Variants in COL14A1 observed in about 807,000 individuals in gnomAD.
COL14A1 encodes the protein collagen type XIV alpha 1 chain.
COL14A1 carries 136 observed loss-of-function variants against 230.3 expected under a neutral mutation model. That is an observed-to-expected ratio of 0.59 (90% CI 0.51 to 0.68). The LOEUF (loss-of-function observed/expected upper bound fraction) is 0.68. Among genes scored for constraint, COL14A1 ranks in the 30% least tolerant of loss-of-function variants. COL14A1 has a pLI of 0.00. For missense variants in COL14A1, 1,976 were observed against 2,215.8 expected, an observed-to-expected ratio of 0.89 and a Z score of 2.17; for synonymous variants, 792 against 784.1, an observed-to-expected ratio of 1.01 and a Z score of -0.17.
intron 39 of COL14A1, 59 bp downstream of exon 39, chr8:120,315,645 A>G (rs1821198962): frequency 7.2e-7 from 1 of 1,390,262 alleles, no homozygotes; most frequent in Non-Finnish European, 1.0e-6. Flanking sequence ...CAAGGGGGAA[A>G]AAAAAGCTGT....
In COL14A1 at chr8:120,266,554, G is replaced by A. The variant is rs556087519; in HGVS notation, c.3017-273G>A. On this transcript the variant is annotated intron_variant, in intron 24 of 47. Transcript: ENST00000297848. ...GGATTCCTGCCTTAAATCAACATTA[G>A]AACCACTTTGTAGTTGACAGTTTGA... 7.2e-5 allele frequency among the ~76,000 whole-genome samples: 11 copies of A among 152,160 alleles called. 1 individual carries two copies. In the East Asian group the frequency reaches 1.7e-3, roughly 24 times the overall value.
chr8:120,340,666 A>G (rs1314541434), intron 42 of COL14A1, among the ~76,000 whole-genome samples: 3 of 152,210 alleles, frequency 2.0e-5, no homozygotes, highest in Admixed American at 6.5e-5. Context: ...CCATTTTTAA[A>G]GTAGATGCGC....
intron 1 of COL14A1, among the ~76,000 whole-genome samples, chr8:120,132,841 C>T (rs1456596152): frequency 2.0e-5 from 3 of 151,986 alleles, no homozygotes; most frequent in Non-Finnish European, 4.4e-5. Flanking sequence ...TAAAAAGTAA[C>T]CTCTCCAAGA....
chr8:120,263,477 C>G (rs917983818), intron 24 of COL14A1, among the ~76,000 whole-genome samples: 4 of 152,138 alleles, frequency 2.6e-5, no homozygotes, highest in Non-Finnish European at 5.9e-5. Flanking sequence ...TTTTTCCAAG[C>G]TGACTGCAGA....
chr8:120,359,960 C>A (rs1823132549), intron 45 of COL14A1, among the ~76,000 whole-genome samples: 1 of 152,112 alleles, frequency 6.6e-6, no homozygotes, highest in Non-Finnish European at 1.5e-5. Flanking sequence ...CTCTCGCTGC[C>A]CAAATTTAGG....
intron 45 of COL14A1, among the ~76,000 whole-genome samples, chr8:120,360,997 GTA>G (rs1232383125): frequency 7.2e-5 from 11 of 152,166 alleles, no homozygotes; most frequent in Admixed American, 6.5e-4. Context: ...CCTGCTTCTA[GTA>G]GACAATCTCC....
At chr8:120,166,923 GTGGTGA>G (rs1563646896) in intron 4 of COL14A1, among the ~76,000 whole-genome samples, 5 of 71,462 alleles carry the variant, frequency 7.0e-5, no homozygotes, top group African/African-American at 2.5e-4. Flanking sequence ...TGTGTGTGTG[GTGGTGA>G]TGATGGTGGT....
rs1055321922 is a variant in COL14A1, at chr8:120,130,852, C to G, written c.-38+5512C>G. On this transcript the variant is annotated intron_variant, in intron 1 of 47. Transcript: ENST00000297848. ...TGAGCATAGTACCCAAAAGGTAGTT[C>G]TTCAACCCTCACCCCCTTTTTTTTC... 6.6e-5 allele frequency among the ~76,000 whole-genome samples: 10 copies of G among 152,154 alleles called. 1 individual carries two copies. The highest frequency in any genetic ancestry group is 2.4e-4 in the African/African-American group (10 of 41,432).
chr8:120,149,689 T>C (rs1435143606), intron 2 of COL14A1, among the ~76,000 whole-genome samples: 4 of 11,792 alleles, frequency 3.4e-4, no homozygotes, highest in Non-Finnish European at 8.2e-4. Flanking sequence ...GTTTTTTCAT[T>C]TTTTTTTTTT....
At chr8:120,328,349 T>C (rs1322387795) in intron 40 of COL14A1, among the ~76,000 whole-genome samples, 1 of 151,898 alleles carries the variant, frequency 6.6e-6, no homozygotes, top group African/African-American at 2.4e-5. Flanking sequence ...TCCTCCAGAG[T>C]AGCTGGGACT....
At position 120,156,598 on chromosome 8, in the gene COL14A1, A is replaced by G. The variant is rs528880305; in HGVS notation, c.89-1532A>G. Among the ~76,000 whole-genome samples the G allele has an allele frequency of 4.2e-4, 64 of 152,312 alleles. 3 individuals are homozygous for G. The South Asian group carries it at 0.012, about 29-fold the overall frequency. On this transcript the variant is annotated intron_variant, in intron 2 of 47. Coordinates refer to ENST00000297848, the MANE Select transcript of COL14A1 (RefSeq NM_021110.4). The stretch of plus-strand genomic sequence containing the variant: ...TTGCACCTTGGTTCCTTTATCTATA[A>G]AATTGGAATAGCAATGTATGTTTCG...
intron 43 of COL14A1, among the ~76,000 whole-genome samples, chr8:120,341,853 T>C (rs1822308729): frequency 1.3e-5 from 2 of 151,950 alleles, no homozygotes; most frequent in African/African-American, 4.8e-5. Context: ...TTAAGGGTCG[T>C]CTCTCTCCTT....
At chr8:120,202,034 A>T (rs1466916645) in intron 8 of COL14A1, among the ~76,000 whole-genome samples, 2 of 152,198 alleles carry the variant, frequency 1.3e-5, no homozygotes, top group Non-Finnish European at 2.9e-5. Flanking sequence ...TGTTATATTA[A>T]TTCAGATGTA....
chr8:120,295,247 T>G (rs189170594), intron 34 of COL14A1, among the ~76,000 whole-genome samples: 2 of 152,008 alleles, frequency 1.3e-5, no homozygotes, highest in African/African-American at 4.8e-5. Flanking sequence ...TTGTAAGATT[T>G]CATTGGGCTA....
chr8:120,209,531 T>A (rs1817555655), intron 11 of COL14A1, among the ~76,000 whole-genome samples: 1 of 152,070 alleles, frequency 6.6e-6, no homozygotes, highest in Admixed American at 6.6e-5. Context: ...ACACTGTGGT[T>A]AGAAGAGTAG....
chr8:120,165,338 T>C (rs948527518), intron 4 of COL14A1, among the ~76,000 whole-genome samples: 1 of 152,242 alleles, frequency 6.6e-6, no homozygotes, highest in Non-Finnish European at 1.5e-5. Context: ...GCATTCTTTA[T>C]GAGTTCATAT....
chr8:120,284,270 C>T (rs945607033), intron 32 of COL14A1, among the ~76,000 whole-genome samples: 1 of 152,088 alleles, frequency 6.6e-6, no homozygotes, highest in African/African-American at 2.4e-5. Flanking sequence ...TGGGTGGGAT[C>T]AACTAGAAAA....
At chr8:120,147,081 AT>A (rs1815121198) in intron 1 of COL14A1, among the ~76,000 whole-genome samples, 1 of 150,128 alleles carries the variant, frequency 6.7e-6, no homozygotes, top group South Asian at 2.1e-4. Context: ...AAGTTTTTTA[AT>A]GTTAAAATTT....
intron 1 of COL14A1, among the ~76,000 whole-genome samples, chr8:120,128,364 T>G (rs190427192): frequency 6.6e-6 from 1 of 152,226 alleles, no homozygotes; most frequent in East Asian, 1.9e-4. Context: ...GAAAATAATA[T>G]TCCTCCTTTA....
Sources: gnomAD v4.1 joint callset for allele counts (sites outside exome capture counted in the v4.1 genomes callset) on GRCh38, gnomAD v4.1.1 for gene constraint, MANE v1.5 for transcripts, NCBI Gene and HGNC (gene_info 2026-07-23, HGNC 2026-07-21) for gene names.